GFRAL: variants seen among roughly 807,000 people sequenced by gnomAD.
GFRAL encodes the protein GDNF family receptor alpha-like.
Under a neutral mutation model 45.4 loss-of-function variants are expected in GFRAL, and 36 were observed. That is an observed-to-expected ratio of 0.79 (90% confidence interval 0.61 to 1.05). The LOEUF (loss-of-function observed/expected upper bound fraction) is 1.05. GFRAL is among the 50% of genes least tolerant of loss of function. The pLI is 0.00. For synonymous variants in GFRAL, 166 were observed against 154.1 expected, an observed-to-expected ratio of 1.08 and a Z score of -0.57; for missense variants, 507 against 467.5, an observed-to-expected ratio of 1.08 and a Z score of -0.78.
intron 6 of GFRAL, among the ~76,000 whole-genome samples, chr6:55,390,162 C>T (rs114342640): frequency 1.3e-5 from 2 of 152,308 alleles, no homozygotes; most frequent in Non-Finnish European, 2.9e-5. Context: ...ACTTTTTCTT[C>T]TCTTTTCACC....
chr6:55,347,780 TC>T (rs1378578452), intron 3 of GFRAL, among the ~76,000 whole-genome samples: 1 of 152,106 alleles, frequency 6.6e-6, no homozygotes, highest in African/African-American at 2.4e-5. Context: ...TTTCTATTTT[TC>T]TTCTTGCTTC....
rs149147752 is a variant in GFRAL at position 55,401,831 on chromosome 6, T to C, written c.1163T>C (p.Ile388Thr). The C allele has an allele frequency of 1.8e-4, 272 of 1,538,868 alleles. 1 individual carries two copies. The highest frequency in any genetic ancestry group is 4.8e-4 in the Admixed American group (29 of 59,856). Reference protein sequence around the residue: ...ISSKARDPSSIQIPGEL With the variant: ...ISSKARDPSSTQIPGEL Reference sequence around the variant, plus strand: ...AGTAAAGCAAGAGATCCTTCATCGATCCAAATACCTGGAGAACTCTGATTC... The same window carrying C: ...AGTAAAGCAAGAGATCCTTCATCGACCCAAATACCTGGAGAACTCTGATTC... The change falls in exon 9 of 9, where the codon ATC becomes ACC. Residue 388 changes from isoleucine to threonine, a missense_variant. Ile to Thr is a moderately conservative substitution (Grantham distance 89, BLOSUM62 -1). Transcript: ENST00000340465.
At chr6:55,393,371 T>C (rs1038999234) in intron 6 of GFRAL, among the ~76,000 whole-genome samples, 1 of 152,344 alleles carries the variant, frequency 6.6e-6, no homozygotes, top group Non-Finnish European at 1.5e-5. Context: ...AAAAGTATTC[T>C]GTAGAACCAG....
chr6:55,390,970 A>G (rs1016810199), intron 6 of GFRAL, among the ~76,000 whole-genome samples: 2 of 151,852 alleles, frequency 1.3e-5, no homozygotes, highest in Admixed American at 1.3e-4. Context: ...TGGATGGTGC[A>G]TGCATATATT....
In GFRAL at chr6:55,359,051, G is replaced by A. The variant is rs1753480698; in HGVS notation, c.865G>A (p.Val289Met). The A allele has an allele frequency of 1.1e-5, 17 of 1,612,798 alleles. No homozygotes were observed. Among genetic ancestry groups the A allele is most frequent in the African/African-American group, 6.7e-5 (5 of 74,790 alleles). ...YIDILGTVLQVQCTCRTITQS... is the reference protein window; with the variant it reads ...YIDILGTVLQMQCTCRTITQS... ...AGATATCCTTGGGACGGTCCTTCAA[G>A]TGCAATGTACCTGTAGGACCATTAC... is the stretch of plus-strand genomic sequence containing the variant. The change falls in exon 6 of 9, where the codon GTG (valine) becomes ATG (methionine). Residue 289 changes from valine to methionine, a missense_variant. Transcript: ENST00000340465.
chr6:55,355,787 T>G (rs969888700), intron 5 of GFRAL, among the ~76,000 whole-genome samples: 1 of 151,952 alleles, frequency 6.6e-6, no homozygotes, highest in Non-Finnish European at 1.5e-5. Flanking sequence ...GTAGGCATCC[T>G]TGTCTCATTA....
At chr6:55,395,175 A>AAAAATATATATATAT in intron 6 of GFRAL, among the ~76,000 whole-genome samples, 73 of 123,480 alleles carry the variant, frequency 5.9e-4, no homozygotes, top group African/African-American at 2.2e-3. Context: ...AAAAAAAAAA[A>AAAAATATATATATAT]ATATATATAT....
At chr6:55,341,191 A>T (rs140356272) in intron 3 of GFRAL, among the ~76,000 whole-genome samples, 1,986 of 152,304 alleles carry the variant, frequency 0.013, 22 homozygotes, top group Non-Finnish European at 0.022. Flanking sequence ...CTCGCAGCAC[A>T]GAGTTTGAAA....
At chr6:55,399,723 G>C (rs569233336) in intron 8 of GFRAL, among the ~76,000 whole-genome samples, 2 of 152,004 alleles carry the variant, frequency 1.3e-5, no homozygotes, top group South Asian at 4.2e-4. Context: ...TTTCCCCTTG[G>C]CTTCCCTACC....
intron 4 of GFRAL, among the ~76,000 whole-genome samples, chr6:55,351,014 C>T (rs542924512): frequency 5.9e-5 from 9 of 152,150 alleles, no homozygotes; most frequent in East Asian, 3.9e-4. Flanking sequence ...TGGCCCAGCA[C>T]GCTTCCCATC....
At position 55,399,407 on chromosome 6, in the gene GFRAL, T is replaced by C; in HGVS notation, c.1087T>C (p.Cys363Arg). 1.9e-6 allele frequency: 3 copies of C among 1,611,718 alleles called. No individual in the cohort carries two copies. Among genetic ancestry groups the C allele is most frequent in the Non-Finnish European group, 2.5e-6 (3 of 1,177,890 alleles). The change falls in exon 8 of 9, where the codon TGT becomes CGT. Residue 363 changes from cysteine to arginine, a missense_variant. Cys to Arg is a radical substitution (Grantham distance 180). Coordinates refer to ENST00000340465, the MANE Select transcript of GFRAL (RefSeq NM_207410.2). ...TGCTGCCATGTGCATGACAGTCACC[T>C]GTGGAATCCTTCTGTTGGTTATGGT... ...IYAAMCMTVT[C>R]GILLLVMVKL...
At chr6:55,359,678 G>GTGTGT (rs1257879222) in intron 6 of GFRAL, among the ~76,000 whole-genome samples, 1 of 151,896 alleles carries the variant, frequency 6.6e-6, no homozygotes, top group Non-Finnish European at 1.5e-5. Flanking sequence ...GTGTGGTGTG[G>GTGTGT]TTCACTTCAA....
chr6:55,390,672 G>A (rs781163037), intron 6 of GFRAL, among the ~76,000 whole-genome samples: 2 of 151,866 alleles, frequency 1.3e-5, no homozygotes, highest in Non-Finnish European at 2.9e-5. Flanking sequence ...GGCGGATCAC[G>A]AGGTCAGCAG....
intron 7 of GFRAL, 33 bp from the exon 8 acceptor site, chr6:55,399,336 G>A: frequency 6.4e-7 from 1 of 1,560,782 alleles, no homozygotes; most frequent in Non-Finnish European, 8.8e-7. Context: ...AAAATCCAGT[G>A]ACTATTATTT....
At chr6:55,332,573 G>C (rs548886078) in intron 2 of GFRAL, among the ~76,000 whole-genome samples, 2 of 152,058 alleles carry the variant, frequency 1.3e-5, no homozygotes, top group South Asian at 4.1e-4. Context: ...ACAGGCGCAT[G>C]CCACCATGCC....
At chr6:55,364,710 G>T (rs1439647639) in intron 6 of GFRAL, among the ~76,000 whole-genome samples, 2 of 151,598 alleles carry the variant, frequency 1.3e-5, no homozygotes, top group South Asian at 2.1e-4. Flanking sequence ...TTTCCCCATT[G>T]CTTGTTTTTC....
chr6:55,388,457 A>G (rs111977894), intron 6 of GFRAL, among the ~76,000 whole-genome samples: 9 of 152,316 alleles, frequency 5.9e-5, no homozygotes, highest in African/African-American at 2.2e-4. Flanking sequence ...ACATGATTCA[A>G]TCCCTGAATC....
intron 3 of GFRAL, among the ~76,000 whole-genome samples, chr6:55,337,925 T>G (rs1278531387): frequency 6.6e-6 from 1 of 152,190 alleles, no homozygotes; most frequent in African/African-American, 2.4e-5. Context: ...GAGCCACTGA[T>G]TTGAGATTTT....
chr6:55,363,316 C>T (rs1768303028), intron 6 of GFRAL, among the ~76,000 whole-genome samples: 1 of 151,544 alleles, frequency 6.6e-6, no homozygotes, highest in Admixed American at 6.6e-5. Context: ...TACTCTGATA[C>T]ACACACACAT....
Sources: gnomAD v4.1 joint callset for allele counts (sites outside exome capture counted in the v4.1 genomes callset) on GRCh38, gnomAD v4.1.1 for gene constraint, MANE v1.5 for transcripts, NCBI Gene and HGNC (gene_info 2026-07-23, HGNC 2026-07-21) for gene names.